Variants in DISC1 observed in about 807,000 individuals in gnomAD.
DISC1 encodes the protein DISC1 scaffold protein.
Under a neutral mutation model 84.5 loss-of-function variants are expected in DISC1, and 57 were observed. The ratio of observed to expected loss-of-function variants is 0.67; its 90% CI spans 0.55 to 0.84. The LOEUF (loss-of-function observed/expected upper bound fraction) is 0.84. DISC1 is among the 40% of genes least tolerant of loss of function. The probability of loss-of-function intolerance (pLI) is 0.00; values close to 1 mark genes in which losing one functional copy is unlikely to be tolerated. For synonymous variants in DISC1, 411 were observed against 415.2 expected (o/e 0.99, Z 0.12); for missense variants, 1,000 against 1,057.8 (o/e 0.95, Z 0.76).
In DISC1 at chr1:231,644,379, GA is replaced by G. The variant is rs987160509; in HGVS notation, c.67+17448del. On this transcript the variant is annotated intron_variant, in intron 1 of 12. Transcript: ENST00000439617. ...TCTTTACTGCTAGGGCTAGCAGCCG[GA>G]AAGCTACATATCCCAGGCTTTCTCG... is the stretch of plus-strand genomic sequence containing the variant. 2.2e-4 allele frequency among the ~76,000 whole-genome samples: 33 copies of G among 152,320 alleles called. 1 individual carries two copies. The highest frequency in any genetic ancestry group is 7.7e-4 in the African/African-American group (32 of 41,562).
At chr1:231,680,828 G>A (rs1315686559) in intron 1 of DISC1, among the ~76,000 whole-genome samples, 1 of 152,184 alleles carries the variant, frequency 6.6e-6, no homozygotes, top group African/African-American at 2.4e-5. Flanking sequence ...CATTTAGAAA[G>A]CCATGAAAAT....
At chr1:231,788,512 A>G (rs1279382918) in intron 6 of DISC1, among the ~76,000 whole-genome samples, 3 of 152,166 alleles carry the variant, frequency 2.0e-5, no homozygotes, top group African/African-American at 7.2e-5. Context: ...GTACATTTGC[A>G]ACAACCCTAT....
chr1:231,787,764 C>T (rs753531720), intron 6 of DISC1, among the ~76,000 whole-genome samples: 1 of 152,234 alleles, frequency 6.6e-6, no homozygotes, highest in Admixed American at 6.5e-5. Context: ...GCAGTGAGAA[C>T]TCATCTGGCA....
intron 1 of DISC1, among the ~76,000 whole-genome samples, chr1:231,651,842 A>T (rs1235395112): frequency 6.6e-6 from 1 of 152,214 alleles, no homozygotes; most frequent in Non-Finnish European, 1.5e-5. Flanking sequence ...GGTCGATCTC[A>T]GACTGCTGAG....
chr1:231,949,385 T>G (rs991429264), intron 9 of DISC1, among the ~76,000 whole-genome samples: 1 of 152,180 alleles, frequency 6.6e-6, no homozygotes, highest in East Asian at 1.9e-4. Flanking sequence ...GTGGACAGCA[T>G]GTGTGTGTTT....
At chr1:231,960,516 T>A (rs1055295553) in intron 10 of DISC1, among the ~76,000 whole-genome samples, 1 of 152,172 alleles carries the variant, frequency 6.6e-6, no homozygotes, top group African/African-American at 2.4e-5. Flanking sequence ...CCTCCCAAAG[T>A]GCTGGGATTA....
At chr1:231,672,370 A>G (rs2062710821) in intron 1 of DISC1, among the ~76,000 whole-genome samples, 1 of 152,108 alleles carries the variant, frequency 6.6e-6, no homozygotes, top group African/African-American at 2.4e-5. Context: ...TTCCTCCTAA[A>G]TTATGCTACC....
At chr1:231,838,294 A>G (rs201943165) in intron 9 of DISC1, among the ~76,000 whole-genome samples, 6 of 151,406 alleles carry the variant, frequency 4.0e-5, no homozygotes, top group Non-Finnish European at 8.8e-5. Context: ...TTGCTTAAGC[A>G]CCCATCTATC....
At chr1:232,023,920 T>A (rs562101857) in intron 11 of DISC1, among the ~76,000 whole-genome samples, 1 of 152,216 alleles carries the variant, frequency 6.6e-6, no homozygotes, top group Admixed American at 6.5e-5. Context: ...TTATTTCATG[T>A]GTGATGACGG....
At chr1:231,679,810 A>T (rs182683446) in intron 1 of DISC1, among the ~76,000 whole-genome samples, 3 of 152,234 alleles carry the variant, frequency 2.0e-5, no homozygotes, top group Admixed American at 2.0e-4. Flanking sequence ...CAGCCTCTTT[A>T]TTTGTAGGCA....
chr1:232,018,091 A>G (rs981922679), intron 11 of DISC1, among the ~76,000 whole-genome samples: 1 of 152,216 alleles, frequency 6.6e-6, no homozygotes, highest in East Asian at 1.9e-4. Flanking sequence ...CAGCCACAGT[A>G]GTACCTGCCT....
intron 9 of DISC1, among the ~76,000 whole-genome samples, chr1:231,883,221 C>T (rs568399306): frequency 2.4e-4 from 37 of 152,272 alleles, no homozygotes; most frequent in Non-Finnish European, 4.4e-4. Flanking sequence ...TTCATTCATT[C>T]ATTCATTCTT....
At chr1:231,719,266 ACC>A (rs2069255859) in intron 3 of DISC1, among the ~76,000 whole-genome samples, 1 of 152,116 alleles carries the variant, frequency 6.6e-6, no homozygotes, top group Non-Finnish European at 1.5e-5. Context: ...AAAGAAAGAG[ACC>A]CTATTCATTT....
chr1:231,830,559 T>C (rs1486766805), intron 9 of DISC1, among the ~76,000 whole-genome samples: 2 of 152,124 alleles, frequency 1.3e-5, no homozygotes, highest in East Asian at 3.9e-4. Flanking sequence ...GGAAAAACAG[T>C]GTAAACCGGC....
At chr1:231,907,106 CT>C (rs2088764521) in intron 9 of DISC1, among the ~76,000 whole-genome samples, 1 of 84,846 alleles carries the variant, frequency 1.2e-5, no homozygotes, top group African/African-American at 5.6e-5. Flanking sequence ...CTCCTTCCTT[CT>C]CTCCTTCCTT....
At chr1:231,815,570 C>T (rs958621754) in intron 8 of DISC1, among the ~76,000 whole-genome samples, 2 of 152,026 alleles carry the variant, frequency 1.3e-5, no homozygotes, top group Admixed American at 6.6e-5. Flanking sequence ...AACCCCGGCT[C>T]TACTAAAAAA....
intron 1 of DISC1, among the ~76,000 whole-genome samples, chr1:231,663,585 G>C (rs1481997315): frequency 6.6e-6 from 1 of 152,098 alleles, no homozygotes; most frequent in African/African-American, 2.4e-5. Flanking sequence ...CCACCCTCCT[G>C]CCTGAAATCT....
chr1:231,917,287 C>T (rs1278796876), intron 9 of DISC1, among the ~76,000 whole-genome samples: 1 of 152,186 alleles, frequency 6.6e-6, no homozygotes, highest in Non-Finnish European at 1.5e-5. Context: ...AAGGCATTCT[C>T]TTCTATCGAG....
At chr1:231,956,907 G>A (rs1659609793) in intron 9 of DISC1, among the ~76,000 whole-genome samples, 1 of 152,152 alleles carries the variant, frequency 6.6e-6, no homozygotes, top group South Asian at 2.1e-4. Context: ...TGGTGGCTGG[G>A]TTCCCAGGAC....
Sources: gnomAD v4.1 joint callset for allele counts (sites outside exome capture counted in the v4.1 genomes callset) on GRCh38, gnomAD v4.1.1 for gene constraint, MANE v1.5 for transcripts, NCBI Gene and HGNC (gene_info 2026-07-23, HGNC 2026-07-21) for gene names.